TTC13: variants seen among roughly 807,000 people sequenced by gnomAD.
The protein encoded by TTC13 is tetratricopeptide repeat domain 13, also known as tetratricopeptide repeat protein 13.
In TTC13, 62 loss-of-function variants were observed where a neutral mutation model predicts 120.0. That is an observed-to-expected ratio of 0.52 (90% confidence interval 0.42 to 0.64). The LOEUF (loss-of-function observed/expected upper bound fraction) is 0.64, where lower values mean the gene tolerates loss of function less well. Ranked by LOEUF, TTC13 falls within the 30% of genes least tolerant of loss-of-function variation. The pLI is 0.00. For synonymous variants in TTC13, 384 were observed against 393.5 expected (o/e 0.98, Z 0.28); for missense variants, 824 against 1,050.2 (o/e 0.78, Z 2.98).
intron 2 of TTC13, among the ~76,000 whole-genome samples, chr1:230,959,569 C>T (rs971523154): frequency 2.6e-5 from 4 of 152,068 alleles, no homozygotes; most frequent in African/African-American, 9.7e-5. Flanking sequence ...TTAGTAGAGA[C>T]GGGGTTTCTC....
chr1:230,923,694 A>G, intron 15 of TTC13, 147 bp downstream of exon 15: 1 of 609,276 alleles, frequency 1.6e-6, no homozygotes. Flanking sequence ...GAATGCAGGC[A>G]GGACTCCACA....
chr1:230,971,649 G>A (rs1677767697), intron 1 of TTC13, among the ~76,000 whole-genome samples: 1 of 152,040 alleles, frequency 6.6e-6, no homozygotes, highest in Non-Finnish European at 1.5e-5. Context: ...GAAGTTTTTT[G>A]TTTTTTAACA....
Position 230,911,536 on chromosome 1 carries a change from A to T in TTC13, c.2243T>A (p.Val748Asp). 6.3e-7 allele frequency: 1 copy of T among 1,593,222 alleles called. No homozygotes were observed. Among genetic ancestry groups the T allele is most frequent in the Non-Finnish European group, 8.5e-7 (1 of 1,172,270 alleles). Residue 748 changes from valine to aspartate, a missense_variant, in exon 20 of 23, where the codon GTC becomes GAC. Val to Asp is a radical substitution (Grantham distance 152). Coordinates refer to ENST00000366661, the MANE Select transcript of TTC13 (RefSeq NM_024525.5). ...AACTAAGGATAAGATTAAGTTGCAG[A>T]CAGCATCAGCCTCCTAGAAAAAAAA... ...LSSEFGEADA[V>D]CNLILSLVYY...
At chr1:230,966,545 T>A (rs113084994) in intron 1 of TTC13, among the ~76,000 whole-genome samples, 2 of 152,244 alleles carry the variant, frequency 1.3e-5, no homozygotes, top group South Asian at 4.1e-4. Context: ...GCATCTACTA[T>A]GTTCCCATCA....
intron 17 of TTC13, among the ~76,000 whole-genome samples, chr1:230,918,600 G>A (rs540553396): frequency 1.3e-5 from 2 of 152,302 alleles, no homozygotes; most frequent in East Asian, 1.9e-4. Context: ...CTGAGTCAAC[G>A]CAGTGGGTTT....
At chr1:230,914,916 G>A (rs1031230681) in intron 18 of TTC13, among the ~76,000 whole-genome samples, 1 of 152,066 alleles carries the variant, frequency 6.6e-6, no homozygotes. Context: ...GTTATTCAAA[G>A]ATCAACTGTA....
chr1:230,921,426 A>G lies in TTC13; in HGVS notation c.1893T>C (p.Tyr631=). 1 of 1,476,072 alleles carries G rather than the reference A, an allele frequency of 6.8e-7. No homozygotes were observed. Among genetic ancestry groups the G allele is most frequent in the South Asian group, 1.2e-5 (1 of 82,508 alleles). The allele number at this position is 1,476,072 out of a possible 1,614,324, so 91.4% of individuals were successfully genotyped here. A position where few individuals can be genotyped will look rare whatever the true frequency, so the allele number is the denominator to read the frequency against. Reference sequence around the variant, plus strand: ...GGAGAAAATTAAAGGCTTACCCATGATAAACAAGAATTCTGTCTTTAATAA... The same window carrying G: ...GGAGAAAATTAAAGGCTTACCCATGGTAAACAAGAATTCTGTCTTTAATAA... The part of the protein sequence containing the change: ...LHFIKDRILV[Y]HGANNPKGLL... The change falls in exon 16 of 23, where the codon TAT becomes TAC. Residue 631 remains tyrosine (Y), a synonymous_variant. Coordinates refer to ENST00000366661, the MANE Select transcript of TTC13 (RefSeq NM_024525.5).
chr1:230,978,522 G>T lies in TTC13; in HGVS notation c.271+38C>A, dbSNP rs1474039828. Reference sequence around the variant, plus strand: ...GGGACCCCAGCCCCGCTGCCCCGCCGCCCCGGCCGACTCGGACGCCCGCCG... The same window carrying T: ...GGGACCCCAGCCCCGCTGCCCCGCCTCCCCGGCCGACTCGGACGCCCGCCG... On this transcript the variant is annotated intron_variant, in intron 1 of 22. Coordinates refer to ENST00000366661, the MANE Select transcript of TTC13 (RefSeq NM_024525.5). The surrounding 1 kb of genome is among the most constrained non-coding windows in gnomAD (Gnocchi z 5.6). 2 of 678,430 alleles carry T rather than the reference G, an allele frequency of 2.9e-6. No individual in the cohort carries two copies. Among genetic ancestry groups the T allele is most frequent in the Non-Finnish European group, 4.2e-6 (2 of 479,256 alleles). The allele number at this position is 678,430 out of a possible 1,614,324, so 42.0% of individuals were successfully genotyped here.
At chr1:230,969,156 A>G (rs1056550890) in intron 1 of TTC13, among the ~76,000 whole-genome samples, 2 of 71,688 alleles carry the variant, frequency 2.8e-5, no homozygotes, top group African/African-American at 1.4e-4. Context: ...CAGCTATCCG[A>G]GAGGCTGAGG....
chr1:230,946,244 A>G (rs1345499958), intron 4 of TTC13, among the ~76,000 whole-genome samples: 2 of 152,222 alleles, frequency 1.3e-5, no homozygotes, highest in East Asian at 1.9e-4. Flanking sequence ...GCCTCTGGCT[A>G]TAAGGTCCTG....
chr1:230,951,971 T>C (rs1462218400), intron 4 of TTC13, among the ~76,000 whole-genome samples: 1 of 152,154 alleles, frequency 6.6e-6, no homozygotes, highest in African/African-American at 2.4e-5. Flanking sequence ...AACAGAAAAC[T>C]CAAACAGAGA....
intron 9 of TTC13, 126 bp downstream of exon 9, chr1:230,933,653 T>G: frequency 1.9e-6 from 1 of 538,656 alleles, no homozygotes; most frequent in East Asian, 3.0e-5. Context: ...TATACATACT[T>G]GCACAATTCA....
chr1:230,939,603 C>T lies in TTC13; in HGVS notation c.790-107G>A, dbSNP rs962138285. The T allele has an allele frequency of 4.8e-6, 3 of 630,232 alleles. No homozygotes were observed. In the African/African-American group the frequency reaches 5.5e-5, roughly 11 times the overall value. 39.0% of individuals were successfully genotyped at this position (630,232 alleles called of 1,614,324 possible). ...AAAAAAATCTCAATTCATCCTCTGC[C>T]CTTTTTGGCTTTAAAGGAAACATTT... On this transcript the variant is annotated intron_variant, in intron 7 of 22. Coordinates refer to ENST00000366661, the MANE Select transcript of TTC13 (RefSeq NM_024525.5).
chr1:230,941,209 G>T (rs147168455), intron 6 of TTC13, among the ~76,000 whole-genome samples: 50 of 152,294 alleles, frequency 3.3e-4, no homozygotes, highest in African/African-American at 1.2e-3. Flanking sequence ...AAACCAAAAA[G>T]ACATAAGAAA....
chr1:230,928,904 GA>G (rs752589518), intron 12 of TTC13, 32 bp downstream of exon 12: 19 of 1,596,170 alleles, frequency 1.2e-5, no homozygotes, highest in South Asian at 5.6e-5. Flanking sequence ...TTTGAGAAAG[GA>G]AAAAAAAATC....
At chr1:230,934,827 A>C (rs1572222052) in intron 8 of TTC13, among the ~76,000 whole-genome samples, 1 of 152,278 alleles carries the variant, frequency 6.6e-6, no homozygotes, top group Non-Finnish European at 1.5e-5. Context: ...AATTCATAGA[A>C]GAAAACTACT....
At chr1:230,914,466 C>T (rs1217281518) in intron 18 of TTC13, among the ~76,000 whole-genome samples, 1 of 152,082 alleles carries the variant, frequency 6.6e-6, no homozygotes, top group Non-Finnish European at 1.5e-5. Flanking sequence ...ATGATCTCGG[C>T]TCACTGCAAC....
chr1:230,955,185 C>T (rs1030303655), intron 3 of TTC13, among the ~76,000 whole-genome samples: 29 of 152,070 alleles, frequency 1.9e-4, no homozygotes, highest in African/African-American at 5.8e-4. Context: ...CCCTTAGCCC[C>T]GCCAAAATCC....
intron 8 of TTC13, among the ~76,000 whole-genome samples, chr1:230,935,634 G>A (rs963666103): frequency 3.9e-5 from 6 of 152,084 alleles, no homozygotes; most frequent in African/African-American, 1.4e-4. Flanking sequence ...GGGAAGCTGG[G>A]CCAGGAAAGG....
Sources: allele counts gnomAD v4.1 joint callset (sites outside exome capture counted in the v4.1 genomes callset), GRCh38; gene constraint gnomAD v4.1.1; non-coding constraint Gnocchi (gnomAD v3.1); transcripts MANE v1.5; gene names NCBI Gene and HGNC (gene_info 2026-07-23, HGNC 2026-07-21).